Variants in TPCN2 observed in about 807,000 individuals in gnomAD.
TPCN2 encodes two pore channel protein 2.
In TPCN2, 92 loss-of-function variants were observed where a neutral mutation model predicts 111.4. The observed-to-expected ratio is 0.83, with a 90% CI of 0.70 to 0.98. The LOEUF (loss-of-function observed/expected upper bound fraction) is 0.98. TPCN2 is among the 50% of genes least tolerant of loss of function. The pLI is 0.00. For synonymous variants in TPCN2, 405 were observed against 414.5 expected (o/e 0.98, Z 0.28); for missense variants, 995 against 980.1 (o/e 1.02, Z -0.20).
In TPCN2 at chr11:69,069,757, CCG is replaced by C. The variant is rs1158754030; in HGVS notation, c.830-672_830-671del. Among the ~76,000 whole-genome samples, 24 of 110,692 alleles carry C rather than the reference CCG, an allele frequency of 2.2e-4. 7 individuals are homozygous for C. The South Asian group carries it at 7.8e-3, about 36-fold the overall frequency. 72.6% of individuals were successfully genotyped at this position (110,692 alleles called of 152,430 possible). ...GGAAGTGACCGCACTGGGAGCAGGA[CCG>C]TCTGAGTCCTAGGAAGTGACCGCAC... On this transcript the variant is annotated intron_variant, in intron 8 of 24. Transcript: ENST00000294309.
At chr11:69,067,951 G>A (rs1231939543) in intron 8 of TPCN2, among the ~76,000 whole-genome samples, 1 of 152,072 alleles carries the variant, frequency 6.6e-6, no homozygotes, top group Non-Finnish European at 1.5e-5. Flanking sequence ...TTCATAGGGC[G>A]ATGATGGCAG....
chr11:69,082,067 C>T (rs1856037288), intron 18 of TPCN2, among the ~76,000 whole-genome samples: 1 of 152,252 alleles, frequency 6.6e-6, no homozygotes, highest in South Asian at 2.1e-4. Flanking sequence ...TTCTGAGTGT[C>T]CAGGTCCCTC....
rs149047003 is a variant in TPCN2, at chr11:69,072,687, C to T, written c.1122C>T (p.Ser374=). ...QVLQKVQLDS[S]HKQAMMEKVR... ...TTCAGAAGGTCCAGCTGGACAGCTC[C>T]CACAAACAGGCCATGATGGAGGTAC... Residue 374 remains serine (S), a synonymous_variant, in exon 12 of 25, where the codon TCC becomes TCT. Transcript: ENST00000294309. The T allele has an allele frequency of 6.3e-4, 1,021 of 1,613,808 alleles. 11 individuals are homozygous for T. The South Asian group carries it at 8.5e-3, about 13-fold the overall frequency.
intron 5 of TPCN2, among the ~76,000 whole-genome samples, chr11:69,062,194 C>G (rs1156390486): frequency 1.3e-5 from 2 of 152,106 alleles, no homozygotes; most frequent in African/African-American, 4.8e-5. Context: ...AACCCCTCAC[C>G]TGAAGTCATT....
chr11:69,063,054 G>A (rs1212546936), intron 6 of TPCN2, 64 bp downstream of exon 6: 11 of 1,441,342 alleles, frequency 7.6e-6, no homozygotes, highest in Non-Finnish European at 1.1e-5. Flanking sequence ...CGGGCCACGT[G>A]GTTGCGGGTG....
chr11:69,078,709 C>T lies in TPCN2; in HGVS notation c.1351-25C>T, dbSNP rs372432940. 30 of 1,613,574 alleles carry T rather than the reference C, an allele frequency of 1.9e-5. No homozygotes were observed. In the African/African-American group the frequency reaches 3.1e-4, roughly 17 times the overall value. On this transcript the variant is annotated intron_variant, in intron 14 of 24. Coordinates refer to ENST00000294309, the MANE Select transcript of TPCN2 (RefSeq NM_139075.4). ...CCCAGCGCTGTGCTGGGCCAGCCGG[C>T]GAGCCCTCTGTTCTGGCGTTGCAGG...
At chr11:69,072,844 TGGGGGCGCTCACCTTC>T (rs1011243444) in intron 12 of TPCN2, 55 bp from the exon 13 acceptor site, 35 of 1,525,238 alleles carry the variant, frequency 2.3e-5, no homozygotes, top group Non-Finnish European at 3.2e-5. Flanking sequence ...GGGTTGGGGC[TGGGGGCGCTCACCTTC>T]GAGGGCGCTC....
In TPCN2 at chr11:69,088,624, CG is replaced by C. The variant is rs1432040235; in HGVS notation, c.*677del. 2.0e-5 allele frequency: 3 copies of C among 151,708 alleles called. No homozygotes were observed. The highest frequency in any genetic ancestry group is 4.4e-5 in the Non-Finnish European group (3 of 68,220). 9.4% of individuals were successfully genotyped at this position (151,708 alleles called of 1,614,324 possible). ...CACATGGCTGTGAGGTGTATCCTGG[CG>C]GGGGGCTGTCTACCTGCAGTGAGGG... is the stretch of plus-strand genomic sequence containing the variant. On this transcript the variant is annotated 3_prime_UTR_variant, in exon 25 of 25. Coordinates refer to ENST00000294309, the MANE Select transcript of TPCN2 (RefSeq NM_139075.4).
chr11:69,073,639 C>T (rs1487870371), intron 13 of TPCN2, among the ~76,000 whole-genome samples: 1 of 152,236 alleles, frequency 6.6e-6, no homozygotes, highest in Non-Finnish European at 1.5e-5. Context: ...AGGGCTGAAG[C>T]AGCAGACATT....
rs1188216340 is a variant in TPCN2, at chr11:69,072,906, C to T, written c.1144-9C>T. ...GCGCCCCTGCTGACCTGTGCTCCTT[C>T]CTGTGCAGAAGGTGCGTTCCTATGG... On this transcript the variant is annotated splice_polypyrimidine_tract_variant and intron_variant, in intron 12 of 24. Coordinates refer to ENST00000294309, the MANE Select transcript of TPCN2 (RefSeq NM_139075.4). The T allele has an allele frequency of 6.2e-7, 1 of 1,609,726 alleles. No individual in the cohort carries two copies. The highest frequency in any genetic ancestry group is 8.5e-7 in the Non-Finnish European group (1 of 1,176,150).
intron 13 of TPCN2, 104 bp downstream of exon 13, chr11:69,073,105 C>G (rs1855610373): frequency 1.1e-5 from 9 of 813,472 alleles, no homozygotes; most frequent in South Asian, 6.0e-5. Context: ...CTGGGATTCA[C>G]CTGCCAGGGA....
chr11:69,049,004 G>A lies in TPCN2; in HGVS notation c.7G>A (p.Glu3Lys). Residue 3 changes from glutamate (E) to lysine (K), a missense_variant, in exon 1 of 25, where the codon GAA (glutamate) becomes AAA (lysine). By Grantham distance (56) the Glu-to-Lys change is moderately conservative. Transcript: ENST00000294309. ...CCAGCGCGTGGGCTGCTGGATGGCG[G>A]AACCCCAGGCGGAGTCGGAGCCCCT... MAEPQAESEPLLG... is the reference protein window; with the variant it reads MAKPQAESEPLLG... 5.6e-6 allele frequency: 7 copies of A among 1,238,966 alleles called. No homozygotes were observed. Among genetic ancestry groups the A allele is most frequent in the Non-Finnish European group, 7.1e-6 (7 of 987,900 alleles). The allele number at this position is 1,238,966 out of a possible 1,614,324, so 76.7% of individuals were successfully genotyped here. A position where few individuals can be genotyped will look rare whatever the true frequency, so the allele number is the denominator to read the frequency against.
chr11:69,057,533 A>T, intron 4 of TPCN2, 45 bp from the exon 5 acceptor site: 1 of 1,558,442 alleles, frequency 6.4e-7, no homozygotes. Context: ...CTGCAGGGCC[A>T]GCGTGTGGGG....
rs1225722115 is a variant in TPCN2 at position 69,072,895 on chromosome 11, C to A, written c.1144-20C>A. On this transcript the variant is annotated intron_variant, in intron 12 of 24. Coordinates refer to ENST00000294309, the MANE Select transcript of TPCN2 (RefSeq NM_139075.4). ...CACCTTCCCGTGCGCCCCTGCTGAC[C>A]TGTGCTCCTTCCTGTGCAGAAGGTG... is the stretch of plus-strand genomic sequence containing the variant. 2 of 1,601,436 alleles carry A rather than the reference C, an allele frequency of 1.2e-6. No individual in the cohort carries two copies. The highest frequency in any genetic ancestry group is 1.7e-5 in the Admixed American group (1 of 59,986).
chr11:69,071,890 T>C (rs1275503779), intron 10 of TPCN2, 33 bp from the exon 11 acceptor site: 6 of 1,599,080 alleles, frequency 3.8e-6, no homozygotes, highest in Non-Finnish European at 4.3e-6. Context: ...GGGGGAGGGC[T>C]GATCCTGCCG....
At chr11:69,085,323 A>G (rs1422135225) in intron 20 of TPCN2, 37 bp downstream of exon 20, 3 of 561,894 alleles carry the variant, frequency 5.3e-6, no homozygotes, top group Non-Finnish European at 1.0e-5. Flanking sequence ...GGAGTGTCTC[A>G]GGGGTGCTGG....
At position 69,085,211 on chromosome 11, in the gene TPCN2, TG is replaced by T; in HGVS notation, c.1765del (p.Val589SerfsTer61). On this transcript the variant is annotated frameshift_variant and splice_region_variant, in exon 20 of 25. Transcript: ENST00000294309. LOFTEE classifies it high-confidence loss of function. ...AGTCCCCGGCTCCTGGCCCGCCAGG[TG>T]GTCTACTACGTATTTGCCATCATTG... ...NMRAFGGILVVVYYVFAIIGI... is the reference protein window; with the variant it reads ...NMRAFGGILVXVYYVFAIIGI... 6.2e-7 allele frequency: 1 copy of T among 1,613,888 alleles called. No homozygotes were observed. Among genetic ancestry groups the T allele is most frequent in the East Asian group, 2.2e-5 (1 of 44,860 alleles).
chr11:69,072,513 C>T, intron 11 of TPCN2, 114 bp from the exon 12 acceptor site: 2 of 1,033,636 alleles, frequency 1.9e-6, no homozygotes, highest in South Asian at 1.6e-5. Flanking sequence ...GCTCAAGCTG[C>T]AAAGTGGCTT....
chr11:69,073,111 AG>A, intron 13 of TPCN2, 110 bp downstream of exon 13: 2 of 774,440 alleles, frequency 2.6e-6, no homozygotes, highest in Non-Finnish European at 4.4e-6. Context: ...TTCACCTGCC[AG>A]GGATCCTGGC....
Sources: gnomAD v4.1 joint callset for allele counts (sites outside exome capture counted in the v4.1 genomes callset) on GRCh38, gnomAD v4.1.1 for gene constraint, MANE v1.5 for transcripts, NCBI Gene and HGNC (gene_info 2026-07-23, HGNC 2026-07-21) for gene names.